The following LAP3 variants were observed in gnomAD, a reference collection of about 807,000 sequenced individuals.
LAP3 encodes cytosol aminopeptidase.
In LAP3, 46 loss-of-function variants were observed where a neutral mutation model predicts 58.8. That is an observed-to-expected ratio of 0.78 (90% confidence interval 0.62 to 1.00). The LOEUF (loss-of-function observed/expected upper bound fraction) is 1.00. Among genes scored for constraint, LAP3 ranks in the 50% least tolerant of loss-of-function variants. The pLI is 0.00. For synonymous variants in LAP3, 257 were observed against 237.7 expected (o/e 1.08, Z -0.75); for missense variants, 615 against 659.1 (o/e 0.93, Z 0.73).
Position 17,577,414 on chromosome 4 carries a change from A to C in LAP3, c.-52A>C. The stretch of plus-strand genomic sequence containing the variant: ...GCCCCGCCCCAAGGCGCGCCCGCCC[A>C]CCGCTCTCCACGTGCTCGCTGGAGG... On this transcript the variant is annotated 5_prime_UTR_variant, in exon 1 of 13. Transcript: ENST00000226299. 2 of 1,398,624 alleles carry C rather than the reference A, an allele frequency of 1.4e-6. No homozygotes were observed. Among genetic ancestry groups the C allele is most frequent in the East Asian group, 3.0e-5 (1 of 33,858 alleles). 86.6% of individuals were successfully genotyped at this position (1,398,624 alleles called of 1,614,324 possible).
chr4:17,580,217 CTGT>C (rs1441677620), intron 2 of LAP3, among the ~76,000 whole-genome samples: 1 of 71,476 alleles, frequency 1.4e-5, no homozygotes, highest in Non-Finnish European at 2.7e-5. Context: ...TTGGGTTTCA[CTGT>C]TGTTGGCCAG....
chr4:17,589,201 C>T (rs1713614085), intron 7 of LAP3, among the ~76,000 whole-genome samples: 1 of 151,898 alleles, frequency 6.6e-6, no homozygotes, highest in African/African-American at 2.4e-5. Context: ...GCTGGGATTA[C>T]AGGCGTGCAC....
In LAP3 at chr4:17,604,578, T is replaced by C; in HGVS notation, c.1181-10T>C. On this transcript the variant is annotated splice_polypyrimidine_tract_variant and intron_variant, in intron 10 of 12. Transcript: ENST00000226299. ...AGACTGCACGTGACCTGAGGGCTTG[T>C]GTCTTACAGGTGCCATGGATGTAGC... The C allele has an allele frequency of 6.2e-7, 1 of 1,613,034 alleles. No individual in the cohort carries two copies. Among genetic ancestry groups the C allele is most frequent in the South Asian group, 1.1e-5 (1 of 91,068 alleles).
chr4:17,603,550 G>A (rs1714032102), intron 10 of LAP3, among the ~76,000 whole-genome samples: 1 of 150,684 alleles, frequency 6.6e-6, no homozygotes, highest in South Asian at 2.1e-4. Context: ...TGTTGCTCAG[G>A]CTGGAGTGCA....
At chr4:17,583,846 C>T (rs1412085597) in intron 5 of LAP3, among the ~76,000 whole-genome samples, 1 of 152,216 alleles carries the variant, frequency 6.6e-6, no homozygotes, top group Non-Finnish European at 1.5e-5. Context: ...CTGATTCCCC[C>T]ATGACTCCCT....
Position 17,607,260 on chromosome 4 carries a change from A to G in LAP3, c.1371-140A>G, listed in dbSNP as rs1358095312. The G allele has an allele frequency of 4.6e-6, 3 of 648,580 alleles. No homozygotes were observed. The Admixed American group carries it at 1.0e-4, about 22-fold the overall frequency. The allele number at this position is 648,580 out of a possible 1,614,324, so 40.2% of individuals were successfully genotyped here. On this transcript the variant is annotated intron_variant, in intron 12 of 12. Coordinates refer to ENST00000226299, the MANE Select transcript of LAP3 (RefSeq NM_015907.3). Reference sequence around the variant, plus strand: ...AATATCTGAAAATAAATATTCTGAAACTGATATGTGGGTTAGCATCTTAAT... The same window carrying G: ...AATATCTGAAAATAAATATTCTGAAGCTGATATGTGGGTTAGCATCTTAAT...
rs1713225550 is a variant in LAP3, at chr4:17,577,402, G to T, written c.-64G>T. ...TGCGCCCCGAAAGCCCCGCCCCAAG[G>T]CGCGCCCGCCCACCGCTCTCCACGT... is the stretch of plus-strand genomic sequence containing the variant. On this transcript the variant is annotated 5_prime_UTR_variant, in exon 1 of 13. Transcript: ENST00000226299. 1 of 1,311,660 alleles carries T rather than the reference G, an allele frequency of 7.6e-7. No homozygotes were observed. Among genetic ancestry groups the T allele is most frequent in the African/African-American group, 1.6e-5 (1 of 64,220 alleles). The allele number at this position is 1,311,660 out of a possible 1,614,324, so 81.3% of individuals were successfully genotyped here.
chr4:17,588,684 A>G lies in LAP3; in HGVS notation c.705-135A>G, dbSNP rs560845677. 7 of 751,920 alleles carry G rather than the reference A, an allele frequency of 9.3e-6. No homozygotes were observed. In the East Asian group the frequency reaches 1.4e-4, roughly 15 times the overall value. The allele number at this position is 751,920 out of a possible 1,614,324, so 46.6% of individuals were successfully genotyped here. A position where few individuals can be genotyped will look rare whatever the true frequency, so the allele number is the denominator to read the frequency against. ...TACAGAAAGCAAATAATGGGACCTGATAATTGAAACCTTAATGTGCGTATA... is the reference window on the plus strand; with the variant it reads ...TACAGAAAGCAAATAATGGGACCTGGTAATTGAAACCTTAATGTGCGTATA... On this transcript the variant is annotated intron_variant, in intron 6 of 12. Coordinates refer to ENST00000226299, the MANE Select transcript of LAP3 (RefSeq NM_015907.3).
In LAP3 at chr4:17,604,626, G is replaced by T. The variant is rs773950212; in HGVS notation, c.1219G>T (p.Val407Phe). The change falls in exon 11 of 13, where the codon GTC (valine) becomes TTC (phenylalanine). Residue 407 changes from valine (V) to phenylalanine (F), a missense_variant. Transcript: ENST00000226299. Reference protein sequence around the residue: ...DVALGSGATGVFTNSSWLWNK... With the variant: ...DVALGSGATGFFTNSSWLWNK... The stretch of plus-strand genomic sequence containing the variant: ...AGCTTTGGGATCAGGTGCCACTGGG[G>T]TCTTTACCAATTCATCCTGGCTCTG... 6.2e-7 allele frequency: 1 copy of T among 1,614,044 alleles called. No individual in the cohort carries two copies. The highest frequency in any genetic ancestry group is 1.7e-5 in the Admixed American group (1 of 60,016).
chr4:17,590,923 C>CTTTT (rs533480552), intron 7 of LAP3, among the ~76,000 whole-genome samples: 9 of 81,196 alleles, frequency 1.1e-4, no homozygotes, highest in East Asian at 4.5e-4. Context: ...GAAAGTTAAA[C>CTTTT]TTTTTTTTTT....
chr4:17,580,424 T>C (rs1713328773), intron 2 of LAP3, among the ~76,000 whole-genome samples: 1 of 151,128 alleles, frequency 6.6e-6, no homozygotes, highest in Admixed American at 6.7e-5. Context: ...CTTTGGTACT[T>C]TCTGTTTCAG....
chr4:17,580,462 T>C (rs958995063), intron 2 of LAP3, among the ~76,000 whole-genome samples: 1 of 151,766 alleles, frequency 6.6e-6, no homozygotes, highest in African/African-American at 2.4e-5. Context: ...TTCTGGGAAG[T>C]CAGGCCATTT....
intron 10 of LAP3, among the ~76,000 whole-genome samples, chr4:17,602,714 G>A (rs2109024010): frequency 6.6e-6 from 1 of 151,864 alleles, no homozygotes; most frequent in African/African-American, 2.4e-5. Context: ...TTTTGAGACG[G>A]AGTCTCACTC....
chr4:17,582,813 G>A (rs1180932917), intron 4 of LAP3: 1 of 168,826 alleles, frequency 5.9e-6, no homozygotes, highest in Non-Finnish European at 1.3e-5. Flanking sequence ...CCAAAGGTGT[G>A]TGCCTGTCCC....
intron 10 of LAP3, among the ~76,000 whole-genome samples, chr4:17,600,104 A>G (rs1466490079): frequency 6.6e-6 from 1 of 152,230 alleles, no homozygotes; most frequent in African/African-American, 2.4e-5. Context: ...TTCTCTTCCT[A>G]GTAATTCATC....
chr4:17,577,533 G>A lies in LAP3; in HGVS notation c.68G>A (p.Gly23Glu). The A allele has an allele frequency of 1.3e-6, 2 of 1,577,242 alleles. No homozygotes were observed. The highest frequency in any genetic ancestry group is 1.7e-6 in the Non-Finnish European group (2 of 1,163,042). The part of the protein sequence containing the change: ...VVRRLAVRRF[G>E]SRSLSTADMT... ...CGACGTCTGGCCGTGAGACGTTTCG[G>A]GAGCCGGAGTCTCTCCACCGCAGAC... is the stretch of plus-strand genomic sequence containing the variant. Residue 23 changes from glycine (G) to glutamate (E), a missense_variant, in exon 1 of 13, where the codon GGG becomes GAG. Gly to Glu is a moderately conservative substitution (Grantham distance 98, BLOSUM62 -2). Coordinates refer to ENST00000226299, the MANE Select transcript of LAP3 (RefSeq NM_015907.3).
chr4:17,590,398 C>A (rs1713654433), intron 7 of LAP3, among the ~76,000 whole-genome samples: 1 of 152,040 alleles, frequency 6.6e-6, no homozygotes, highest in Non-Finnish European at 1.5e-5. Context: ...GGTCAAAGTG[C>A]CTCCTTGTGT....
At position 17,577,249 on chromosome 4, in the gene LAP3, C is replaced by CACGAATGCGGGCGCACACGAATG. The variant is rs1553880637; in HGVS notation, c.-217_-216insACGAATGCGGGCGCACACGAATG. 41 of 391,940 alleles carry CACGAATGCGGGCGCACACGAATG rather than the reference C, an allele frequency of 1.0e-4. No homozygotes were observed. Among genetic ancestry groups the CACGAATGCGGGCGCACACGAATG allele is most frequent in the Admixed American group, 4.2e-4 (9 of 21,242 alleles). 24.3% of individuals were successfully genotyped at this position (391,940 alleles called of 1,614,324 possible). A position where few individuals can be genotyped will look rare whatever the true frequency, so the allele number is the denominator to read the frequency against. ...GCGGGCGCACACGAATGCGGGCGCA[C>CACGAATGCGGGCGCACACGAATG]CCTTGAGTCCCCTCCACAACCGCGG... On this transcript the variant is annotated 5_prime_UTR_variant, in exon 1 of 13. The change creates a new upstream start codon in the 5' untranslated region. Transcript: ENST00000226299.
At position 17,600,628 on chromosome 4, in the gene LAP3, C is replaced by T. The variant is rs1202293080; in HGVS notation, c.1180+2070C>T. Among the ~76,000 whole-genome samples the T allele has an allele frequency of 4.6e-5, 7 of 152,106 alleles. No individual in the cohort carries two copies. The South Asian group carries it at 1.0e-3, about 22-fold the overall frequency. ...TGAGAAGGTGGGAAAGTTGGCCCTA[C>T]GTAAGCAAGGGTGACCTTCTGGGTG... On this transcript the variant is annotated intron_variant, in intron 10 of 12. Coordinates refer to ENST00000226299, the MANE Select transcript of LAP3 (RefSeq NM_015907.3).
Sources: allele counts gnomAD v4.1 joint callset (sites outside exome capture counted in the v4.1 genomes callset), GRCh38; gene constraint gnomAD v4.1.1; transcripts MANE v1.5; gene names NCBI Gene and HGNC (gene_info 2026-07-23, HGNC 2026-07-21).